The following ITCH variants were observed in gnomAD, a reference collection of about 807,000 sequenced individuals.
ITCH encodes itchy E3 ubiquitin protein ligase.
A neutral mutation model predicts 126.8 loss-of-function variants in ITCH; 28 were observed. The observed-to-expected ratio is 0.22, with a 90% CI of 0.16 to 0.30. The LOEUF is 0.30. Among genes scored for constraint, ITCH ranks in the 10% least tolerant of loss-of-function variants. The pLI is 1.00. For missense variants in ITCH, 631 were observed against 1,032.4 expected (o/e 0.61, Z 5.33); for synonymous variants, 342 against 340.0 (o/e 1.01, Z -0.06).
intron 14 of ITCH, among the ~76,000 whole-genome samples, chr20:34,464,516 A>G (rs1236195842): frequency 2.0e-5 from 3 of 151,778 alleles, no homozygotes; most frequent in African/African-American, 4.8e-5. Context: ...AGTAGAAGAC[A>G]GGGTTTCTCC....
chr20:34,409,094 A>G (rs771623653), intron 4 of ITCH, among the ~76,000 whole-genome samples: 210 of 148,388 alleles, frequency 1.4e-3, no homozygotes, highest in Non-Finnish European at 2.5e-3. Context: ...GATTTCTGGC[A>G]GCACTTTTTA....
At chr20:34,457,341 T>G in intron 12 of ITCH, 49 bp from the exon 13 acceptor site, 1 of 1,177,234 alleles carries the variant, frequency 8.5e-7, no homozygotes, top group Non-Finnish European at 1.3e-6. Context: ...GCAAGAAGAC[T>G]ATGCCAATGC....
At chr20:34,447,727 C>T (rs1984636472) in intron 11 of ITCH, among the ~76,000 whole-genome samples, 2 of 152,188 alleles carry the variant, frequency 1.3e-5, no homozygotes, top group Admixed American at 1.3e-4. Flanking sequence ...GCTGGCCTCC[C>T]TGTTCTCACA....
chr20:34,489,892 C>G lies in ITCH; in HGVS notation c.2285C>G (p.Ala762Gly), dbSNP rs752572940. ...AGACATGCCATCTACCGTCATTATG[C>G]AAGGACCAGCAAACAAATCATGTGG... is the stretch of plus-strand genomic sequence containing the variant. The part of the protein sequence containing the change: ...WQRHAIYRHY[A>G]RTSKQIMWFW... The change falls in exon 22 of 25, where the codon GCA becomes GGA. Residue 762 changes from alanine (A) to glycine (G), a missense_variant. Around this residue, in one of 4 missense-constraint regions of ITCH, gnomAD observed 390 missense variants for 731.6 expected, o/e 0.53. Transcript: ENST00000374864. 3 of 1,613,798 alleles carry G rather than the reference C, an allele frequency of 1.9e-6. No homozygotes were observed.
chr20:34,380,042 G>A (rs556493716), intron 2 of ITCH, among the ~76,000 whole-genome samples: 68 of 152,030 alleles, frequency 4.5e-4, no homozygotes, highest in Non-Finnish European at 8.4e-4. Context: ...AACTACAGGT[G>A]TGTGCCACCA....
intron 7 of ITCH, among the ~76,000 whole-genome samples, chr20:34,429,538 A>G (rs1439784054): frequency 2.0e-5 from 3 of 152,180 alleles, no homozygotes; most frequent in African/African-American, 7.2e-5. Context: ...ACCAGGGTCT[A>G]CATTTTGAGA....
At chr20:34,409,842 T>C (rs2146152540) in intron 4 of ITCH, among the ~76,000 whole-genome samples, 1 of 152,266 alleles carries the variant, frequency 6.6e-6, no homozygotes, top group Non-Finnish European at 1.5e-5. Flanking sequence ...CATTGAAGGT[T>C]AATTTTAATT....
chr20:34,437,294 G>C (rs946587151), intron 7 of ITCH, among the ~76,000 whole-genome samples: 1 of 151,994 alleles, frequency 6.6e-6, no homozygotes, highest in African/African-American at 2.4e-5. Flanking sequence ...TTTAATACAT[G>C]GTACTGCCTC....
intron 1 of ITCH, among the ~76,000 whole-genome samples, chr20:34,364,742 A>T (rs908163337): frequency 6.8e-6 from 1 of 146,748 alleles, no homozygotes; most frequent in South Asian, 2.2e-4. Flanking sequence ...AAAAAAAAAA[A>T]ATCCTGGGCG....
intron 2 of ITCH, among the ~76,000 whole-genome samples, chr20:34,392,433 C>G (rs2038520969): frequency 1.3e-5 from 2 of 152,114 alleles, no homozygotes; most frequent in South Asian, 4.1e-4. Flanking sequence ...TAGCTTTGAG[C>G]ATTTTTGTAT....
chr20:34,438,707 A>G (rs1156784108), intron 8 of ITCH, 76 bp downstream of exon 8: 10 of 1,522,700 alleles, frequency 6.6e-6, no homozygotes, highest in South Asian at 1.1e-5. Flanking sequence ...GTGTCAGGAA[A>G]TTCTTTTAGG....
At chr20:34,390,719 G>A (rs926546439) in intron 2 of ITCH, among the ~76,000 whole-genome samples, 11 of 151,006 alleles carry the variant, frequency 7.3e-5, no homozygotes, top group Admixed American at 7.3e-4. Flanking sequence ...CAAAGTGCTG[G>A]GATTACAGGC....
chr20:34,438,617 C>G lies in ITCH; in HGVS notation c.665C>G (p.Thr222Ser), dbSNP rs1362508663. The G allele has an allele frequency of 1.1e-5, 17 of 1,613,982 alleles. No homozygotes were observed. Among genetic ancestry groups the G allele is most frequent in the Non-Finnish European group, 1.4e-5 (17 of 1,179,994 alleles). Residue 222 changes from threonine (T) to serine (S), a missense_variant, in exon 8 of 25, where the codon ACC (threonine) becomes AGC (serine). By Grantham distance (58) the Thr-to-Ser change is moderately conservative. Transcript: ENST00000374864. ...AGACCTTCACGACCACCACCACCCA[C>G]CCCACGTAGACCAGGTTTGTATTCC... ...PPRPSRPPPPTPRRPASVNGS... is the reference protein window; with the variant it reads ...PPRPSRPPPPSPRRPASVNGS...
At chr20:34,452,621 A>G (rs1038738859) in intron 12 of ITCH, among the ~76,000 whole-genome samples, 1 of 152,186 alleles carries the variant, frequency 6.6e-6, no homozygotes, top group Non-Finnish European at 1.5e-5. Flanking sequence ...GCACCCTTTC[A>G]GACTTTTATA....
Position 34,509,332 on chromosome 20 carries a change from T to C in ITCH, c.*1538T>C, listed in dbSNP as rs937782885. On this transcript the variant is annotated 3_prime_UTR_variant, in exon 25 of 25. Transcript: ENST00000374864. ...CCTGAGGACAGCCTCATAGCTCATG[T>C]ATCAGGGACTTTTGCCACATTTCAG... 6.6e-6 allele frequency: 1 copy of C among 152,336 alleles called. No individual in the cohort carries two copies. Among genetic ancestry groups the C allele is most frequent in the African/African-American group, 2.4e-5 (1 of 41,468 alleles). 9.4% of individuals were successfully genotyped at this position (152,336 alleles called of 1,614,324 possible). A position where few individuals can be genotyped will look rare whatever the true frequency, so the allele number is the denominator to read the frequency against.
intron 6 of ITCH, among the ~76,000 whole-genome samples, chr20:34,419,797 G>A (rs1394316641): frequency 6.6e-6 from 1 of 151,810 alleles, no homozygotes; most frequent in Non-Finnish European, 1.5e-5. Flanking sequence ...TGGGACTACA[G>A]GCCTTTTAAG....
intron 12 of ITCH, among the ~76,000 whole-genome samples, chr20:34,456,878 G>A (rs1986059627): frequency 6.6e-6 from 1 of 150,996 alleles, no homozygotes; most frequent in African/African-American, 2.4e-5. Flanking sequence ...CACCCCGCCT[G>A]GCACCTTACT....
chr20:34,420,810 C>T (rs1980662296), intron 6 of ITCH, among the ~76,000 whole-genome samples: 1 of 152,088 alleles, frequency 6.6e-6, no homozygotes, highest in South Asian at 2.1e-4. Context: ...TATATTTGAT[C>T]TTAATCTGTT....
intron 3 of ITCH, among the ~76,000 whole-genome samples, chr20:34,404,055 A>C (rs1321176014): frequency 6.6e-6 from 1 of 152,182 alleles, no homozygotes; most frequent in African/African-American, 2.4e-5. Context: ...TGACATGATC[A>C]CATCTATTCT....
Sources: gnomAD v4.1 joint callset for allele counts (sites outside exome capture counted in the v4.1 genomes callset) on GRCh38, gnomAD v4.1.1 for gene constraint, gnomAD v4.1.1 regional missense constraint, MANE v1.5 for transcripts, NCBI Gene and HGNC (gene_info 2026-07-23, HGNC 2026-07-21) for gene names.